Variants in VANGL1 observed in about 807,000 individuals in gnomAD.
VANGL1 encodes the protein vang-like protein 1.
In VANGL1, 18 loss-of-function variants were observed where a neutral mutation model predicts 48.4. The observed-to-expected ratio is 0.37, with a 90% CI of 0.26 to 0.55. The LOEUF (loss-of-function observed/expected upper bound fraction) is 0.55, where lower values mean the gene tolerates loss of function less well. Ranked by LOEUF, VANGL1 falls within the 20% of genes least tolerant of loss-of-function variation. The pLI, the probability that VANGL1 is intolerant of heterozygous loss-of-function variation, is 0.81. For missense variants in VANGL1, 667 were observed against 675.8 expected, an observed-to-expected ratio of 0.99 and a Z score of 0.14; for synonymous variants, 257 against 261.8, an observed-to-expected ratio of 0.98 and a Z score of 0.18.
intron 4 of VANGL1, among the ~76,000 whole-genome samples, chr1:115,674,932 G>C (rs1203700277): frequency 6.6e-6 from 1 of 150,436 alleles, no homozygotes; most frequent in Non-Finnish European, 1.5e-5. Flanking sequence ...AAGTAGAAGG[G>C]ACCATGTGTA....
In VANGL1 at chr1:115,696,975, A is replaced by G. The variant is rs746951580; in HGVS notation, c.*5596A>G. The G allele has an allele frequency of 2.6e-5, 4 of 152,232 alleles. No homozygotes were observed. Among genetic ancestry groups the G allele is most frequent in the Non-Finnish European group, 5.9e-5 (4 of 68,042 alleles). The allele number at this position is 152,232 out of a possible 1,614,324, so 9.4% of individuals were successfully genotyped here. A position where few individuals can be genotyped will look rare whatever the true frequency, so the allele number is the denominator to read the frequency against. On this transcript the variant is annotated 3_prime_UTR_variant, in exon 8 of 8. Coordinates refer to ENST00000355485, the MANE Select transcript of VANGL1 (RefSeq NM_138959.3). The stretch of plus-strand genomic sequence containing the variant: ...GGCACTGAAATGGTATTTGGGAAGC[A>G]TTATTTGAATGTACAGTTGTTTGGT...
In VANGL1 at chr1:115,685,394, C is replaced by T; in HGVS notation, c.1181C>T (p.Ala394Val). 6.2e-7 allele frequency: 1 copy of T among 1,614,172 alleles called. No individual in the cohort carries two copies. Among genetic ancestry groups the T allele is most frequent in the African/African-American group, 1.3e-5 (1 of 75,050 alleles). ...GAGGTGATGGACCCTAGGGAGGCCG[C>T]CCAGGCCATTTTCCCCTCCATGGCC... The part of the protein sequence containing the change: ...PGEVMDPREA[A>V]QAIFPSMARA... Residue 394 changes from alanine to valine, a missense_variant, in exon 7 of 8, where the codon GCC becomes GTC. By Grantham distance (64) the Ala-to-Val change is moderately conservative (BLOSUM62 0). Transcript: ENST00000355485.
chr1:115,654,897 G>A (rs532300710), intron 2 of VANGL1, among the ~76,000 whole-genome samples: 2 of 152,266 alleles, frequency 1.3e-5, no homozygotes, highest in South Asian at 2.1e-4. Flanking sequence ...AGGCACAGAG[G>A]GCAGTGTTAT....
chr1:115,663,490 G>A (rs895455357), intron 3 of VANGL1, among the ~76,000 whole-genome samples, 171 bp from the exon 4 acceptor site: 3 of 152,226 alleles, frequency 2.0e-5, no homozygotes, highest in African/African-American at 7.2e-5. Context: ...AAATTTCAAT[G>A]AAAATCGTTT....
intron 2 of VANGL1, among the ~76,000 whole-genome samples, chr1:115,659,391 G>A (rs111353154): frequency 1.4e-4 from 21 of 152,060 alleles, no homozygotes; most frequent in African/African-American, 5.1e-4. Flanking sequence ...GATGATAGAG[G>A]AAGAGTGACA....
chr1:115,679,217 G>A (rs981515930), intron 4 of VANGL1, among the ~76,000 whole-genome samples: 5 of 152,196 alleles, frequency 3.3e-5, no homozygotes, highest in African/African-American at 1.2e-4. Flanking sequence ...CCAAGCCCAC[G>A]GCAGGCTCTG....
chr1:115,661,351 C>T (rs769434455), intron 3 of VANGL1, among the ~76,000 whole-genome samples: 2 of 152,144 alleles, frequency 1.3e-5, no homozygotes, highest in Admixed American at 6.5e-5. Context: ...CCCACCCTCA[C>T]CTCTCCAAGG....
At chr1:115,665,749 T>G (rs1380790569) in intron 4 of VANGL1, among the ~76,000 whole-genome samples, 15 of 152,200 alleles carry the variant, frequency 9.9e-5, no homozygotes, top group Admixed American at 9.8e-4. Flanking sequence ...TGAAGACAAG[T>G]AGGTCACCGC....
chr1:115,643,176 G>A (rs1237833477), intron 1 of VANGL1, among the ~76,000 whole-genome samples: 2 of 152,176 alleles, frequency 1.3e-5, no homozygotes, highest in Non-Finnish European at 2.9e-5. Context: ...TAGACACTTA[G>A]TCCAAAAGCT....
At chr1:115,680,470 C>T (rs1344695272) in intron 4 of VANGL1, among the ~76,000 whole-genome samples, 2 of 152,314 alleles carry the variant, frequency 1.3e-5, no homozygotes, top group Middle Eastern at 6.8e-3. Context: ...TCAGAATTTT[C>T]AAAATGCAGA....
At chr1:115,652,950 G>T (rs1029744018) in intron 2 of VANGL1, among the ~76,000 whole-genome samples, 1 of 152,126 alleles carries the variant, frequency 6.6e-6, no homozygotes, top group Non-Finnish European at 1.5e-5. Flanking sequence ...TTTTAGAAAT[G>T]AATGGAATAT....
intron 3 of VANGL1, among the ~76,000 whole-genome samples, chr1:115,661,513 A>C (rs1487889712): frequency 9.8e-6 from 1 of 102,298 alleles, no homozygotes; most frequent in Non-Finnish European, 1.8e-5. Flanking sequence ...GGTATGTTTC[A>C]ACAGCTTATT....
intron 2 of VANGL1, among the ~76,000 whole-genome samples, chr1:115,655,778 C>CT (rs1345945153): frequency 6.6e-6 from 1 of 152,186 alleles, no homozygotes; most frequent in African/African-American, 2.4e-5. Context: ...CCAGACAGCA[C>CT]TTGGCAGCCA....
intron 5 of VANGL1, among the ~76,000 whole-genome samples, chr1:115,683,340 G>T (rs1224032681): frequency 6.6e-6 from 1 of 152,194 alleles, no homozygotes; most frequent in African/African-American, 2.4e-5. Flanking sequence ...AAGGTGGTCA[G>T]TGGTCAGGGG....
chr1:115,653,166 T>A (rs1652216259), intron 2 of VANGL1, among the ~76,000 whole-genome samples: 1 of 152,238 alleles, frequency 6.6e-6, no homozygotes, highest in Admixed American at 6.5e-5. Context: ...TAAATTTTTA[T>A]GTATTGCTCT....
chr1:115,674,836 G>A (rs982372264), intron 4 of VANGL1, among the ~76,000 whole-genome samples: 14 of 152,148 alleles, frequency 9.2e-5, no homozygotes, highest in Non-Finnish European at 2.1e-4. Context: ...AAAGCTCAAT[G>A]TTAATTTCGG....
intron 4 of VANGL1, among the ~76,000 whole-genome samples, chr1:115,679,494 C>T (rs979140275): frequency 6.6e-6 from 1 of 152,192 alleles, no homozygotes; most frequent in Non-Finnish European, 1.5e-5. Context: ...AGAGCATCTG[C>T]TGAGGCCCCG....
intron 4 of VANGL1, among the ~76,000 whole-genome samples, chr1:115,670,344 C>T (rs1652933121): frequency 6.6e-6 from 1 of 152,200 alleles, no homozygotes; most frequent in African/African-American, 2.4e-5. Flanking sequence ...AGACTTGTGA[C>T]CCCAAAGACT....
At chr1:115,664,325 C>G (rs935720017) in intron 4 of VANGL1, 57 bp downstream of exon 4, 1 of 1,591,106 alleles carries the variant, frequency 6.3e-7, no homozygotes, top group Non-Finnish European at 8.5e-7. Context: ...TGGGAGACAG[C>G]TGCTCTGTAG....
Sources: allele counts gnomAD v4.1 joint callset (sites outside exome capture counted in the v4.1 genomes callset), GRCh38; gene constraint gnomAD v4.1.1; transcripts MANE v1.5; gene names NCBI Gene and HGNC (gene_info 2026-07-23, HGNC 2026-07-21).